The following MICU2 variants were observed in gnomAD, a reference collection of about 807,000 sequenced individuals.
The protein encoded by MICU2 is calcium uptake protein 2, mitochondrial.
Under a neutral mutation model 60.4 loss-of-function variants are expected in MICU2, and 64 were observed. The ratio of observed to expected loss-of-function variants is 1.06; its 90% CI spans 0.87 to 1.31. The LOEUF is 1.31. Ranked by LOEUF, MICU2 falls within the 50% of genes most tolerant of loss-of-function variation. The pLI is 0.00. For missense variants in MICU2, 569 were observed against 531.0 expected (o/e 1.07, Z -0.70); for synonymous variants, 201 against 175.0 (o/e 1.15, Z -1.17).
At position 21,557,956 on chromosome 13, in the gene MICU2, G is replaced by A. The variant is rs147379425; in HGVS notation, c.358+8841C>T. Among the ~76,000 whole-genome samples the A allele has an allele frequency of 2.1e-3, 321 of 152,144 alleles. 1 individual carries two copies. Among genetic ancestry groups the A allele is most frequent in the African/African-American group, 7.5e-3 (311 of 41,502 alleles). On this transcript the variant is annotated intron_variant, in intron 2 of 11. Coordinates refer to ENST00000382374, the MANE Select transcript of MICU2 (RefSeq NM_152726.3). Reference sequence around the variant, plus strand: ...CTTTTTCTGGTATATCTGATATCTGGTTGCAATCACAAGCAGTTTCTGTTA... The same window carrying A: ...CTTTTTCTGGTATATCTGATATCTGATTGCAATCACAAGCAGTTTCTGTTA...
At chr13:21,552,805 G>A (rs528982506) in intron 2 of MICU2, among the ~76,000 whole-genome samples, 4 of 152,132 alleles carry the variant, frequency 2.6e-5, no homozygotes, top group South Asian at 4.2e-4. Context: ...GTTTTGGTAC[G>A]AGTACCATGC....
At chr13:21,539,613 A>T in intron 3 of MICU2, 44 bp downstream of exon 3, 1 of 1,613,360 alleles carries the variant, frequency 6.2e-7, no homozygotes. Flanking sequence ...TTCATTTTCT[A>T]TCTTACCAAA....
intron 1 of MICU2, among the ~76,000 whole-genome samples, chr13:21,571,652 C>G (rs192372046): frequency 8.3e-4 from 127 of 152,306 alleles, no homozygotes; most frequent in African/African-American, 3.0e-3. Flanking sequence ...GAGCCAAGAT[C>G]GTGCCACTGC....
intron 1 of MICU2, among the ~76,000 whole-genome samples, chr13:21,597,731 A>G (rs565856213): frequency 6.6e-6 from 1 of 152,020 alleles, no homozygotes; most frequent in Non-Finnish European, 1.5e-5. Flanking sequence ...GGAGATTGAG[A>G]CCATCCTGGC....
intron 4 of MICU2, among the ~76,000 whole-genome samples, chr13:21,530,163 T>C (rs191330753): frequency 6.6e-6 from 1 of 152,364 alleles, no homozygotes; most frequent in East Asian, 1.9e-4. Context: ...CTGCCAGTCC[T>C]TTATGAATGT....
At chr13:21,506,153 A>G (rs1886287190) in intron 8 of MICU2, among the ~76,000 whole-genome samples, 1 of 151,930 alleles carries the variant, frequency 6.6e-6, no homozygotes. Context: ...CAGCCTCCCA[A>G]GTAACTGGGA....
intron 2 of MICU2, among the ~76,000 whole-genome samples, chr13:21,549,931 C>A (rs1887511609): frequency 6.6e-6 from 1 of 152,118 alleles, no homozygotes; most frequent in Admixed American, 6.5e-5. Flanking sequence ...TAAGCTGTGA[C>A]CTCAGGCTCG....
intron 1 of MICU2, among the ~76,000 whole-genome samples, chr13:21,586,371 C>T (rs1888456479): frequency 6.6e-6 from 1 of 152,060 alleles, no homozygotes; most frequent in Admixed American, 6.6e-5. Flanking sequence ...GAAAAAATAT[C>T]CCTGCTGCTA....
At chr13:21,497,723 A>C (rs1342393226) in intron 9 of MICU2, among the ~76,000 whole-genome samples, 3 of 151,606 alleles carry the variant, frequency 2.0e-5, no homozygotes, top group South Asian at 2.1e-4. Flanking sequence ...CAAACAAACA[A>C]AACAAAAGTA....
chr13:21,534,592 T>C (rs749482230), intron 4 of MICU2, among the ~76,000 whole-genome samples: 1 of 152,170 alleles, frequency 6.6e-6, no homozygotes, highest in Non-Finnish European at 1.5e-5. Flanking sequence ...GTAGTCTTCA[T>C]ACTTTCAATA....
intron 2 of MICU2, among the ~76,000 whole-genome samples, chr13:21,544,471 A>AATTC (rs1887358353): frequency 1.3e-5 from 2 of 150,884 alleles, no homozygotes; most frequent in South Asian, 4.2e-4. Flanking sequence ...GAGCCTGAAT[A>AATTC]GACACTTCAA....
intron 2 of MICU2, among the ~76,000 whole-genome samples, chr13:21,562,182 G>A (rs1044736069): frequency 5.3e-5 from 8 of 152,080 alleles, no homozygotes; most frequent in African/African-American, 1.9e-4. Context: ...ACATGTGCAT[G>A]TGTCTTTATA....
intron 9 of MICU2, among the ~76,000 whole-genome samples, chr13:21,497,477 G>A (rs2138128974): frequency 6.6e-6 from 1 of 152,280 alleles, no homozygotes; most frequent in East Asian, 1.9e-4. Context: ...GGAAGGCTGA[G>A]GTGGCCGGAC....
chr13:21,582,655 A>C (rs1888372111), intron 1 of MICU2, among the ~76,000 whole-genome samples: 1 of 152,120 alleles, frequency 6.6e-6, no homozygotes, highest in African/African-American at 2.4e-5. Flanking sequence ...ACTCATTCTA[A>C]TTACCTGCTC....
chr13:21,555,287 C>T (rs1244389384), intron 2 of MICU2, among the ~76,000 whole-genome samples: 1 of 152,104 alleles, frequency 6.6e-6, no homozygotes, highest in Middle Eastern at 3.2e-3. Context: ...TACTGGCAAA[C>T]CGAATACAGC....
At chr13:21,524,256 A>T (rs182621427) in intron 4 of MICU2, among the ~76,000 whole-genome samples, 1 of 152,164 alleles carries the variant, frequency 6.6e-6, no homozygotes, top group Non-Finnish European at 1.5e-5. Context: ...ATTATATATA[A>T]TTATATTAAA....
At chr13:21,580,730 A>T (rs1888330078) in intron 1 of MICU2, among the ~76,000 whole-genome samples, 1 of 152,142 alleles carries the variant, frequency 6.6e-6, no homozygotes, top group Non-Finnish European at 1.5e-5. Flanking sequence ...TCATGTAAGT[A>T]ACAAATATTA....
chr13:21,555,288 C>T (rs551824614), intron 2 of MICU2, among the ~76,000 whole-genome samples: 10 of 152,076 alleles, frequency 6.6e-5, no homozygotes, highest in African/African-American at 2.2e-4. Flanking sequence ...ACTGGCAAAC[C>T]GAATACAGCA....
intron 7 of MICU2, among the ~76,000 whole-genome samples, chr13:21,510,813 A>T (rs2181329): frequency 1.3e-5 from 2 of 150,206 alleles, no homozygotes; most frequent in Non-Finnish European, 2.9e-5. Flanking sequence ...GAATTCATTA[A>T]ATGAATTCAT....
Sources: allele counts gnomAD v4.1 joint callset (sites outside exome capture counted in the v4.1 genomes callset), GRCh38; gene constraint gnomAD v4.1.1; transcripts MANE v1.5; gene names NCBI Gene and HGNC (gene_info 2026-07-23, HGNC 2026-07-21).